MIER1: variants seen among roughly 807,000 people sequenced by gnomAD.
MIER1 encodes MIER1 transcriptional regulator, also known as mesoderm induction early response protein 1.
Under a neutral mutation model 75.7 loss-of-function variants are expected in MIER1, and 40 were observed. That is an observed-to-expected ratio of 0.53 (90% confidence interval 0.41 to 0.69). The LOEUF is 0.69. Ranked by LOEUF, MIER1 falls within the 30% of genes least tolerant of loss-of-function variation. The pLI is 0.00. For synonymous variants in MIER1, 213 were observed against 223.4 expected, an observed-to-expected ratio of 0.95 and a Z score of 0.42; for missense variants, 574 against 680.2, an observed-to-expected ratio of 0.84 and a Z score of 1.74.
chr1:66,958,309 A>C lies in MIER1; in HGVS notation c.501+89A>C, dbSNP rs796471488. The C allele has an allele frequency of 4.1e-5, 25 of 603,052 alleles. No individual in the cohort carries two copies. The African/African-American group carries it at 8.8e-4, about 21-fold the overall frequency. The allele number at this position is 603,052 out of a possible 1,614,324, so 37.4% of individuals were successfully genotyped here. A position where few individuals can be genotyped will look rare whatever the true frequency, so the allele number is the denominator to read the frequency against. On this transcript the variant is annotated intron_variant, in intron 5 of 13. Coordinates refer to ENST00000401041, the MANE Select transcript of MIER1 (RefSeq NM_001077700.3). ...ATATATTTTGATTACTTGTCTTTAT[A>C]ATCTTTTCCTGATTTTAAAAGTGTT...
At chr1:66,933,774 G>A (rs751671224) in intron 2 of MIER1, among the ~76,000 whole-genome samples, 1 of 152,174 alleles carries the variant, frequency 6.6e-6, no homozygotes, top group African/African-American at 2.4e-5. Context: ...TTCATTGGCA[G>A]TTAAGAGTTA....
chr1:66,958,455 T>G (rs1437565992), intron 5 of MIER1, among the ~76,000 whole-genome samples: 1 of 113,972 alleles, frequency 8.8e-6, no homozygotes, highest in Non-Finnish European at 1.8e-5. Context: ...CTTATTCTAA[T>G]TAATTTATAC....
At chr1:66,930,640 C>G (rs967104806) in intron 2 of MIER1, among the ~76,000 whole-genome samples, 2 of 151,560 alleles carry the variant, frequency 1.3e-5, no homozygotes, top group Admixed American at 6.6e-5. Context: ...AAGGGTAGTG[C>G]AGCGTAGTAG....
At position 66,986,565 on chromosome 1, in the gene MIER1, A is replaced by G. The variant is rs1296341693; in HGVS notation, c.*1665A>G. ...AAATTAGCATTCAGGCCTTACCCCC[A>G]TGAAGTATTACTGTTAACATATGTT... is the stretch of plus-strand genomic sequence containing the variant. On this transcript the variant is annotated 3_prime_UTR_variant, in exon 14 of 14. Transcript: ENST00000401041. 3.1e-6 allele frequency: 3 copies of G among 973,058 alleles called. No homozygotes were observed. The highest frequency in any genetic ancestry group is 2.4e-5 in the East Asian group (1 of 41,682). The allele number at this position is 973,058 out of a possible 1,614,324, so 60.3% of individuals were successfully genotyped here. A position where few individuals can be genotyped will look rare whatever the true frequency, so the allele number is the denominator to read the frequency against.
chr1:66,938,494 C>T (rs766436429), intron 2 of MIER1, among the ~76,000 whole-genome samples: 1 of 152,120 alleles, frequency 6.6e-6, no homozygotes, highest in Non-Finnish European at 1.5e-5. Context: ...CTGCGTGAAA[C>T]ACAAGTGGAT....
At chr1:66,982,262 A>G (rs1415211390) in intron 13 of MIER1, among the ~76,000 whole-genome samples, 2 of 152,212 alleles carry the variant, frequency 1.3e-5, no homozygotes, top group Non-Finnish European at 2.9e-5. Context: ...CTGCAGTTTC[A>G]CATGAGATAT....
Position 66,976,627 on chromosome 1 carries a change from A to C in MIER1, c.1134A>C (p.Ala378=). Residue 378 remains alanine, a synonymous_variant, in exon 12 of 14, where the codon GCA becomes GCC. Transcript: ENST00000401041. ...VRTRSVGECV[A]FYYMWKKSER... is the part of the protein sequence containing the mutation. ...CAAGGTCAGTTGGTGAATGTGTAGC[A>C]TTCTATTACATGTGGAAAAAATCTG... 6.2e-7 allele frequency: 1 copy of C among 1,606,096 alleles called. No homozygotes were observed. The highest frequency in any genetic ancestry group is 8.5e-7 in the Non-Finnish European group (1 of 1,176,932).
At chr1:66,983,810 C>T (rs1004785078) in intron 13 of MIER1, among the ~76,000 whole-genome samples, 1 of 152,200 alleles carries the variant, frequency 6.6e-6, no homozygotes, top group Non-Finnish European at 1.5e-5. Context: ...TCACTGCAAC[C>T]TCCGCCTCCT....
intron 12 of MIER1, 56 bp downstream of exon 12, chr1:66,976,778 AT>A (rs1664806429): frequency 1.3e-5 from 18 of 1,369,104 alleles, no homozygotes; most frequent in Non-Finnish European, 1.7e-5. Context: ...GCTTTTCTAG[AT>A]TTTTCTTGAG....
chr1:66,955,336 G>GTTTTTTTTTTTTTTTTTT (rs34006160), intron 4 of MIER1, among the ~76,000 whole-genome samples: 1 of 59,964 alleles, frequency 1.7e-5, no homozygotes, highest in African/African-American at 7.0e-5. Context: ...CATCACCTGA[G>GTTTTTTTTTTTTTTTTTT]TTTTTTTTTT....
intron 2 of MIER1, among the ~76,000 whole-genome samples, chr1:66,934,391 C>T (rs78411411): frequency 1.3e-3 from 183 of 139,718 alleles, no homozygotes; most frequent in African/African-American, 3.6e-3. Context: ...TGCTTATTTT[C>T]TTTTTCTTTC....
chr1:66,986,320 A>G lies in MIER1; in HGVS notation c.*1420A>G. ...ATTTTTAGTGCTAAATTCTTGTTAA[A>G]TAATGTAGTTTTATATAGCTGATAG... On this transcript the variant is annotated 3_prime_UTR_variant, in exon 14 of 14. Transcript: ENST00000401041. The G allele has an allele frequency of 1.3e-6, 2 of 1,533,856 alleles. No individual in the cohort carries two copies. Among genetic ancestry groups the G allele is most frequent in the East Asian group, 2.4e-5 (1 of 42,016 alleles).
chr1:66,985,814 A>T lies in MIER1; in HGVS notation c.*914A>T, dbSNP rs201084627. The T allele has an allele frequency of 3.2e-4, 199 of 630,418 alleles. No individual in the cohort carries two copies. Among genetic ancestry groups the T allele is most frequent in the South Asian group, 1.6e-3 (22 of 13,362 alleles). 39.1% of individuals were successfully genotyped at this position (630,418 alleles called of 1,614,324 possible). On this transcript the variant is annotated 3_prime_UTR_variant, in exon 14 of 14. Coordinates refer to ENST00000401041, the MANE Select transcript of MIER1 (RefSeq NM_001077700.3). ...TAAAGCATTCATAAAGGATTATAAA[A>T]TTTTTTTTTTTTTTTTTTTTTTTAA...
At chr1:66,981,300 C>G (rs1210444301) in intron 12 of MIER1, among the ~76,000 whole-genome samples, 1 of 152,194 alleles carries the variant, frequency 6.6e-6, no homozygotes, top group Non-Finnish European at 1.5e-5. Flanking sequence ...TAGCTCAGAT[C>G]TGGCAGAAAT....
chr1:66,945,732 G>T (rs1657472279), intron 3 of MIER1, among the ~76,000 whole-genome samples: 1 of 152,072 alleles, frequency 6.6e-6, no homozygotes, highest in Non-Finnish European at 1.5e-5. Context: ...TGTGTGTTGT[G>T]GTCATAGTCC....
intron 3 of MIER1, among the ~76,000 whole-genome samples, chr1:66,944,226 CTTA>C (rs979976711): frequency 2.6e-5 from 4 of 151,954 alleles, no homozygotes; most frequent in African/African-American, 9.7e-5. Flanking sequence ...CTTTGCTTTA[CTTA>C]TTGTTTATCT....
chr1:66,930,234 C>T (rs1358391357), intron 2 of MIER1: 6 of 1,437,336 alleles, frequency 4.2e-6, no homozygotes, highest in Middle Eastern at 2.5e-4. Flanking sequence ...GTGTGGTGGG[C>T]GCGCTCGGGC....
chr1:66,960,231 G>T (rs1165498943), intron 7 of MIER1, among the ~76,000 whole-genome samples: 1 of 152,052 alleles, frequency 6.6e-6, no homozygotes, highest in African/African-American at 2.4e-5. Context: ...TTGTTTAGTA[G>T]TTCATATTGC....
At chr1:66,964,104 T>C (rs1661826660) in intron 8 of MIER1, among the ~76,000 whole-genome samples, 1 of 150,732 alleles carries the variant, frequency 6.6e-6, no homozygotes, top group African/African-American at 2.4e-5. Flanking sequence ...AGAGTCTTGC[T>C]CTTGTTGCCC....
Sources: gnomAD v4.1 joint callset for allele counts (sites outside exome capture counted in the v4.1 genomes callset) on GRCh38, gnomAD v4.1.1 for gene constraint, MANE v1.5 for transcripts, NCBI Gene and HGNC (gene_info 2026-07-23, HGNC 2026-07-21) for gene names.